The following DNAH7 variants were observed in gnomAD, a reference collection of about 807,000 sequenced individuals.
DNAH7 encodes axonemal beta dynein heavy chain 7.
DNAH7 carries 397 observed loss-of-function variants against 444.6 expected under a neutral mutation model. The ratio of observed to expected loss-of-function variants is 0.89; its 90% CI spans 0.82 to 0.97. The LOEUF is 0.97. DNAH7 is among the 50% of genes least tolerant of loss of function. DNAH7 has a pLI of 0.00. For synonymous variants in DNAH7, 1,636 were observed against 1,624.4 expected (o/e 1.01, Z -0.17); for missense variants, 4,902 against 4,800.8 (o/e 1.02, Z -0.62).
At chr2:195,750,661 C>A (rs543115550) in intron 63 of DNAH7, among the ~76,000 whole-genome samples, 5 of 152,252 alleles carry the variant, frequency 3.3e-5, no homozygotes, top group African/African-American at 1.2e-4. Context: ...AGCTGTGAGA[C>A]CTTCAGCAAG....
chr2:195,743,824 G>A (rs1407501608), intron 63 of DNAH7, among the ~76,000 whole-genome samples: 1 of 152,174 alleles, frequency 6.6e-6, no homozygotes, highest in Admixed American at 6.5e-5. Flanking sequence ...AGTAAATAAA[G>A]TTCAAGATTT....
intron 44 of DNAH7, 48 bp downstream of exon 44, chr2:195,857,329 A>C: frequency 7.0e-7 from 1 of 1,424,676 alleles, no homozygotes; most frequent in East Asian, 2.3e-5. Context: ...AACTGACCAG[A>C]AGTGAAGACA....
chr2:196,008,424 T>C (rs2125710026), intron 10 of DNAH7, among the ~76,000 whole-genome samples: 1 of 152,318 alleles, frequency 6.6e-6, no homozygotes, highest in South Asian at 2.1e-4. Context: ...ATTTCACTCC[T>C]AGGTATACAG....
chr2:195,857,736 A>C lies in DNAH7; in HGVS notation c.8068-13T>G. On this transcript the variant is annotated splice_polypyrimidine_tract_variant and intron_variant, in intron 43 of 64. Coordinates refer to ENST00000312428, the MANE Select transcript of DNAH7 (RefSeq NM_018897.3). ...CCACTGTAATATCCTTGAAATAACA[A>C]CGTTAATTATTTTAAAAGACATGTT... 6.4e-7 allele frequency: 1 copy of C among 1,550,420 alleles called. No homozygotes were observed. Among genetic ancestry groups the C allele is most frequent in the Non-Finnish European group, 8.7e-7 (1 of 1,149,868 alleles).
At position 195,988,163 on chromosome 2, in the gene DNAH7, C is replaced by T. The variant is rs140508684; in HGVS notation, c.1420G>A (p.Glu474Lys). Residue 474 changes from glutamate to lysine, a missense_variant, in exon 13 of 65, where the codon GAA (glutamate) becomes AAA (lysine). By Grantham distance (56) the Glu-to-Lys change is moderately conservative. Coordinates refer to ENST00000312428, the MANE Select transcript of DNAH7 (RefSeq NM_018897.3). ...TTCATAATAACTTCCTTGATCTTTT[C>T]TTTGTGAGCATCTACAATTTCATTC... ...ILNEIVDAHK[E>K]KIKEVIMKES... 3,790 of 1,613,484 alleles carry T rather than the reference C, an allele frequency of 2.3e-3. 138 individuals are homozygous for T. In the Admixed American group the frequency reaches 0.048, roughly 20 times the overall value.
At chr2:195,862,073 A>G in intron 41 of DNAH7, 127 bp from the exon 42 acceptor site, 1 of 716,364 alleles carries the variant, frequency 1.4e-6, no homozygotes, top group South Asian at 2.0e-5. Flanking sequence ...GGTGTGGGAG[A>G]GACAATTTCA....
rs1000281719 is a variant in DNAH7, at chr2:195,900,425, A to G, written c.4405T>C (p.Cys1469Arg). 1.3e-5 allele frequency: 21 copies of G among 1,613,924 alleles called. No homozygotes were observed. Among genetic ancestry groups the G allele is most frequent in the Non-Finnish European group, 1.6e-5 (19 of 1,179,916 alleles). ...AGTGGTCGAGCAGTGACAAACCCAC[A>G]GGAGTATAGGACTATTTCAGCAATC... is the stretch of plus-strand genomic sequence containing the variant. ...AMIAEIVLYS[C>R]GFVTARPLSV... The change falls in exon 28 of 65, where the codon TGT (cysteine) becomes CGT (arginine). Residue 1469 changes from cysteine (C) to arginine (R), a missense_variant. Transcript: ENST00000312428.
intron 42 of DNAH7, among the ~76,000 whole-genome samples, chr2:195,861,331 T>C (rs1189672122): frequency 6.6e-6 from 1 of 152,214 alleles, no homozygotes; most frequent in East Asian, 1.9e-4. Context: ...TGTTTTCAAA[T>C]GACAGTTTAT....
rs751226227 is a variant in DNAH7, at chr2:195,876,693, G to T, written c.5968C>A (p.Leu1990Ile). ...ATTTCCTTATTTAGTTGATTTAAAAGAAAATTCTATATAACAAAATAATAA... is the reference window on the plus strand; with the variant it reads ...ATTTCCTTATTTAGTTGATTTAAAATAAAATTCTATATAACAAAATAATAA... ...TGKSVYITNF[L>I]LNQLNKEIYK... Residue 1990 changes from leucine to isoleucine, a missense_variant, in exon 37 of 65, where the codon CTT (leucine) becomes ATT (isoleucine). Coordinates refer to ENST00000312428, the MANE Select transcript of DNAH7 (RefSeq NM_018897.3). 2.5e-6 allele frequency: 4 copies of T among 1,569,424 alleles called. No homozygotes were observed. The highest frequency in any genetic ancestry group is 3.5e-5 in the Admixed American group (2 of 57,596).
intron 24 of DNAH7, among the ~76,000 whole-genome samples, chr2:195,911,913 G>T (rs1206475762): frequency 6.6e-6 from 1 of 152,086 alleles, no homozygotes; most frequent in African/African-American, 2.4e-5. Context: ...GGTGAGTAAA[G>T]AAAATGATAA....
chr2:195,746,259 A>G (rs1184234256), intron 63 of DNAH7, among the ~76,000 whole-genome samples: 2 of 152,130 alleles, frequency 1.3e-5, no homozygotes, highest in East Asian at 3.8e-4. Context: ...GAAGGCCATT[A>G]CATAATGGTA....
At chr2:196,015,699 G>A (rs572301478) in intron 9 of DNAH7, among the ~76,000 whole-genome samples, 1 of 152,172 alleles carries the variant, frequency 6.6e-6, no homozygotes, top group Non-Finnish European at 1.5e-5. Flanking sequence ...GAGTCACTCA[G>A]ACACGTTTTT....
Position 196,028,160 on chromosome 2 carries a change from A to G in DNAH7, c.399-113T>C, listed in dbSNP as rs559719083. 1.4e-5 allele frequency: 11 copies of G among 809,348 alleles called. No homozygotes were observed. In the Admixed American group the frequency reaches 2.7e-4, roughly 20 times the overall value. The allele number at this position is 809,348 out of a possible 1,614,324, so 50.1% of individuals were successfully genotyped here. ...TCTATTAAATCATAAGGAAAAATGA[A>G]TTGTTGAACATTTTACAAACAGCAT... On this transcript the variant is annotated intron_variant, in intron 5 of 64. Transcript: ENST00000312428.
chr2:195,826,956 A>C (rs1420533456), intron 48 of DNAH7, among the ~76,000 whole-genome samples: 1 of 152,176 alleles, frequency 6.6e-6, no homozygotes, highest in Non-Finnish European at 1.5e-5. Flanking sequence ...AAAAAAGAAG[A>C]AATATCCTTT....
At chr2:195,863,018 A>G (rs1359074837) in intron 41 of DNAH7, among the ~76,000 whole-genome samples, 2 of 152,180 alleles carry the variant, frequency 1.3e-5, no homozygotes, top group South Asian at 4.1e-4. Flanking sequence ...CCAGGGTGAC[A>G]AGAGTGAGAC....
chr2:196,048,837 G>A (rs760641541), intron 3 of DNAH7, among the ~76,000 whole-genome samples: 1 of 152,174 alleles, frequency 6.6e-6, no homozygotes, highest in Non-Finnish European at 1.5e-5. Flanking sequence ...TTTCAGGCAG[G>A]GGTGACAAAT....
At chr2:195,954,512 G>A (rs992517247) in intron 19 of DNAH7, among the ~76,000 whole-genome samples, 1 of 152,186 alleles carries the variant, frequency 6.6e-6, no homozygotes, top group Admixed American at 6.5e-5. Context: ...TTTTATAGCA[G>A]CATGATTTAT....
In DNAH7 at chr2:195,853,435, G is replaced by C; in HGVS notation, c.8689C>G (p.Leu2897Val). ...KTRWSHTALE[L>V]GQLYINLTGD... is the part of the protein sequence containing the mutation. ...GTCAAGTTGATGTACAGCTGACCTA[G>C]CTCCAGAGCTGTGTGGCTCCATCGA... Residue 2897 changes from leucine to valine, a missense_variant, in exon 46 of 65, where the codon CTA becomes GTA. Transcript: ENST00000312428. The C allele has an allele frequency of 6.2e-7, 1 of 1,614,124 alleles. No homozygotes were observed. The highest frequency in any genetic ancestry group is 2.2e-5 in the East Asian group (1 of 44,870).
intron 10 of DNAH7, among the ~76,000 whole-genome samples, chr2:196,010,439 T>C (rs1694660291): frequency 6.6e-6 from 1 of 152,016 alleles, no homozygotes. Context: ...TGAGCCACCA[T>C]CCCTGACAAA....
Sources: gnomAD v4.1 joint callset for allele counts (sites outside exome capture counted in the v4.1 genomes callset) on GRCh38, gnomAD v4.1.1 for gene constraint, MANE v1.5 for transcripts, NCBI Gene and HGNC (gene_info 2026-07-23, HGNC 2026-07-21) for gene names.